The following DPF3 variants were observed in gnomAD, a reference collection of about 807,000 sequenced individuals.
DPF3 encodes double PHD fingers 3, also known as zinc finger protein DPF3.
In DPF3, 18 loss-of-function variants were observed where a neutral mutation model predicts 56.8. The ratio of observed to expected loss-of-function variants is 0.32; its 90% CI spans 0.22 to 0.47. The LOEUF (loss-of-function observed/expected upper bound fraction) is 0.47. Ranked by LOEUF, DPF3 falls within the 20% of genes least tolerant of loss-of-function variation. The probability of loss-of-function intolerance (pLI) is 1.00; values close to 1 mark genes in which losing one functional copy is unlikely to be tolerated. For missense variants in DPF3, 403 were observed against 488.8 expected, an observed-to-expected ratio of 0.82 and a Z score of 1.65; for synonymous variants, 188 against 180.2, an observed-to-expected ratio of 1.04 and a Z score of -0.35.
rs181366024 is a variant in DPF3, at chr14:72,714,387, C to T, written c.604+36G>A. The T allele has an allele frequency of 8.1e-5, 131 of 1,610,592 alleles. No homozygotes were observed. The East Asian group carries it at 2.8e-3, about 35-fold the overall frequency. Reference sequence around the variant, plus strand: ...AAGAGGGGCCCTGGGGGCAGGCGCACAGGGAGGAAGGAAGGTGGGACCGGC... The same window carrying T: ...AAGAGGGGCCCTGGGGGCAGGCGCATAGGGAGGAAGGAAGGTGGGACCGGC... On this transcript the variant is annotated intron_variant, in intron 6 of 10. Transcript: ENST00000556509.
chr14:72,649,299 C>G (rs1370742593), intron 8 of DPF3, among the ~76,000 whole-genome samples: 1 of 152,102 alleles, frequency 6.6e-6, no homozygotes, highest in East Asian at 1.9e-4. Flanking sequence ...GAGCCTTCAG[C>G]TGGGGGGCTG....
At chr14:72,863,126 G>T (rs1177872560) in intron 1 of DPF3, among the ~76,000 whole-genome samples, 1 of 90,754 alleles carries the variant, frequency 1.1e-5, no homozygotes, top group Non-Finnish European at 1.9e-5. Flanking sequence ...ATATGTGTGT[G>T]TGTGTGTGTG....
intron 2 of DPF3, among the ~76,000 whole-genome samples, chr14:72,756,906 AAAAGAAAGAAAG>A (rs1233456651): frequency 2.7e-5 from 2 of 74,660 alleles, no homozygotes; most frequent in African/African-American, 6.7e-5. Context: ...AGAAAAGAAA[AAAAGAAAGAAAG>A]AAAGAAAGAA....
At chr14:72,877,872 T>C (rs904265852) in intron 1 of DPF3, among the ~76,000 whole-genome samples, 1 of 152,194 alleles carries the variant, frequency 6.6e-6, no homozygotes, top group Non-Finnish European at 1.5e-5. Flanking sequence ...GGACAGAATA[T>C]GTATAAGTAT....
At position 72,663,710 on chromosome 14, in the gene DPF3, G is replaced by A. The variant is rs114428840; in HGVS notation, c.871+10530C>T. ...AAGCAGAGATGGGTGTCCCAACAGTGCCTAGATCACATTAAGCTGAGCGAT... is the reference window on the plus strand; with the variant it reads ...AAGCAGAGATGGGTGTCCCAACAGTACCTAGATCACATTAAGCTGAGCGAT... On this transcript the variant is annotated intron_variant, in intron 8 of 10. Coordinates refer to ENST00000556509, the MANE Select transcript of DPF3 (RefSeq NM_001280542.3). 6.6e-3 allele frequency among the ~76,000 whole-genome samples: 999 copies of A among 152,278 alleles called. 7 individuals are homozygous for A. Among genetic ancestry groups the A allele is most frequent in the African/African-American group, 0.023 (965 of 41,550 alleles).
chr14:72,626,662 C>G (rs771343549), intron 9 of DPF3, among the ~76,000 whole-genome samples: 6 of 152,120 alleles, frequency 3.9e-5, no homozygotes, highest in Non-Finnish European at 5.9e-5. Flanking sequence ...TGCATTCCAT[C>G]ATGTTGCAGG....
At chr14:72,820,637 C>T (rs1883490173) in intron 1 of DPF3, among the ~76,000 whole-genome samples, 1 of 152,106 alleles carries the variant, frequency 6.6e-6, no homozygotes, top group Admixed American at 6.5e-5. Context: ...ATTATTTGAC[C>T]CACTTCTAGA....
In DPF3 at chr14:72,693,219, G is replaced by C. The variant is rs747984914; in HGVS notation, c.605-6C>G. On this transcript the variant is annotated splice_region_variant and splice_polypyrimidine_tract_variant and intron_variant, in intron 6 of 10. Coordinates refer to ENST00000556509, the MANE Select transcript of DPF3 (RefSeq NM_001280542.3). ...CTTGTAGCGCTTGCCACAGACTAGA[G>C]AGGAAAAGAGGAAAAAAGGGAGAGA... The C allele has an allele frequency of 3.1e-6, 5 of 1,613,466 alleles. No homozygotes were observed. The highest frequency in any genetic ancestry group is 4.2e-6 in the Non-Finnish European group (5 of 1,179,678).
intron 1 of DPF3, among the ~76,000 whole-genome samples, chr14:72,893,790 G>T (rs772339174): frequency 2.6e-5 from 4 of 152,196 alleles, no homozygotes; most frequent in Non-Finnish European, 5.9e-5. Context: ...GGGCTTCTCC[G>T]CCTGCAACCC....
At chr14:72,670,076 C>T (rs1315835722) in intron 8 of DPF3, 20 of 985,640 alleles carry the variant, frequency 2.0e-5, no homozygotes, top group Non-Finnish European at 2.4e-5. Flanking sequence ...CTATTGGAAA[C>T]ATAAAACAAA....
chr14:72,672,671 C>T (rs988451863), intron 8 of DPF3, among the ~76,000 whole-genome samples: 1 of 152,112 alleles, frequency 6.6e-6, no homozygotes, highest in Non-Finnish European at 1.5e-5. Context: ...TAGAAAAAAA[C>T]AACTTCCCAC....
intron 7 of DPF3, among the ~76,000 whole-genome samples, chr14:72,689,524 T>G (rs1887582358): frequency 6.6e-6 from 1 of 152,164 alleles, no homozygotes; most frequent in Non-Finnish European, 1.5e-5. Flanking sequence ...GACCTTAGGA[T>G]GCTGCCGAGC....
At chr14:72,788,255 CAGG>C (rs1256204570) in intron 1 of DPF3, among the ~76,000 whole-genome samples, 1 of 152,170 alleles carries the variant, frequency 6.6e-6, no homozygotes, top group African/African-American at 2.4e-5. Context: ...CCACAGGATG[CAGG>C]AGGACTACAC....
intron 1 of DPF3, among the ~76,000 whole-genome samples, chr14:72,854,624 A>C (rs985849428): frequency 1.3e-5 from 2 of 152,216 alleles, no homozygotes; most frequent in African/African-American, 4.8e-5. Flanking sequence ...TTTTCTCATG[A>C]ATATAGCTAT....
chr14:72,860,003 C>A (rs1209255987), intron 1 of DPF3, among the ~76,000 whole-genome samples: 2 of 151,406 alleles, frequency 1.3e-5, no homozygotes. Context: ...GTAAGCCCAC[C>A]ATGTAAGTAA....
At chr14:72,889,452 T>G (rs1220859905) in intron 1 of DPF3, among the ~76,000 whole-genome samples, 2 of 152,174 alleles carry the variant, frequency 1.3e-5, no homozygotes, top group African/African-American at 4.8e-5. Context: ...GGGTCCTTTT[T>G]CATAAGAAGC....
chr14:72,848,225 G>A lies in DPF3; in HGVS notation c.32+45832C>T, dbSNP rs1298865933. 3.3e-5 allele frequency among the ~76,000 whole-genome samples: 5 copies of A among 151,894 alleles called. 1 individual carries two copies. In the South Asian group the frequency reaches 6.2e-4, roughly 19 times the overall value. ...CAGGCTGGAGTGCAAGTGCAATGGC[G>A]CGATCTCGGCTCACTGCAACCTCTG... On this transcript the variant is annotated intron_variant, in intron 1 of 10. Coordinates refer to ENST00000556509, the MANE Select transcript of DPF3 (RefSeq NM_001280542.3).
chr14:72,815,597 T>C (rs894258760), intron 1 of DPF3, among the ~76,000 whole-genome samples: 2 of 152,238 alleles, frequency 1.3e-5, no homozygotes, highest in African/African-American at 2.4e-5. Flanking sequence ...AGTTGGTAAA[T>C]GAATAAGCAA....
Position 72,642,166 on chromosome 14 carries a change from C to T in DPF3, c.872-12430G>A, listed in dbSNP as rs1885582990. Among the ~76,000 whole-genome samples, 3 of 152,378 alleles carry T rather than the reference C, an allele frequency of 2.0e-5. No homozygotes were observed. The South Asian group carries it at 6.2e-4, about 32-fold the overall frequency. On this transcript the variant is annotated intron_variant, in intron 8 of 10. Transcript: ENST00000556509. ...TTGGCCAACATCTGGACTGCAGCCT[C>T]ATGGGACACCCTGTGACACACCACC...
Sources: allele counts gnomAD v4.1 joint callset (sites outside exome capture counted in the v4.1 genomes callset), GRCh38; gene constraint gnomAD v4.1.1; transcripts MANE v1.5; gene names NCBI Gene and HGNC (gene_info 2026-07-23, HGNC 2026-07-21).